The following ILDR2 variants were observed in gnomAD, a reference collection of about 807,000 sequenced individuals.
ILDR2 encodes the protein immunoglobulin like domain containing receptor 2.
ILDR2 carries 25 observed loss-of-function variants against 66.8 expected under a neutral mutation model. The ratio of observed to expected loss-of-function variants is 0.37; its 90% CI spans 0.27 to 0.52. ILDR2 has a LOEUF of 0.52. Among genes scored for constraint, ILDR2 ranks in the 20% least tolerant of loss-of-function variants. The pLI is 0.88. For missense variants in ILDR2, 827 were observed against 876.8 expected (o/e 0.94, Z 0.72); for synonymous variants, 367 against 357.2 (o/e 1.03, Z -0.31).
At chr1:166,902,182 C>CA (rs1400190276) in intron 2 of ILDR2, among the ~76,000 whole-genome samples, 1 of 152,230 alleles carries the variant, frequency 6.6e-6, no homozygotes, top group Non-Finnish European at 1.5e-5. Context: ...TTGACAGATG[C>CA]AAAAGTCTCT....
intron 1 of ILDR2, 111 bp from the exon 2 acceptor site, chr1:166,958,212 C>T (rs1262799794): frequency 1.2e-6 from 1 of 826,430 alleles, no homozygotes; most frequent in South Asian, 1.7e-5. Context: ...CCCTCAACCT[C>T]ATTTTCACAA....
intron 1 of ILDR2, among the ~76,000 whole-genome samples, chr1:166,969,247 T>A (rs1379184449): frequency 1.3e-5 from 2 of 152,150 alleles, no homozygotes; most frequent in Non-Finnish European, 2.9e-5. Context: ...ATACAGGGTC[T>A]CAGCTGAATG....
rs1659480340 is a variant in ILDR2, at chr1:166,911,797, T to C, written c.*7558A>G. On this transcript the variant is annotated 3_prime_UTR_variant, in exon 10 of 10. Coordinates refer to ENST00000271417, the MANE Select transcript of ILDR2 (RefSeq NM_199351.3). Reference sequence around the variant, plus strand: ...GATTAGAGCTAGCTGAAAAGAAAATTAGTGAGCTGGAAGATAAACCTGAAG... The same window carrying C: ...GATTAGAGCTAGCTGAAAAGAAAATCAGTGAGCTGGAAGATAAACCTGAAG... 1 of 151,810 alleles carries C rather than the reference T, an allele frequency of 6.6e-6. No individual in the cohort carries two copies. Among genetic ancestry groups the C allele is most frequent in the South Asian group, 2.1e-4 (1 of 4,820 alleles). 9.4% of individuals were successfully genotyped at this position (151,810 alleles called of 1,614,324 possible). A position where few individuals can be genotyped will look rare whatever the true frequency, so the allele number is the denominator to read the frequency against.
At chr1:166,970,865 T>C (rs1028097006) in intron 1 of ILDR2, among the ~76,000 whole-genome samples, 8 of 152,028 alleles carry the variant, frequency 5.3e-5, no homozygotes, top group African/African-American at 1.9e-4. Context: ...ATGGACGAGG[T>C]ACGTTCCACA....
intron 5 of ILDR2, 73 bp from the exon 6 acceptor site, chr1:166,935,550 G>C: frequency 2.2e-6 from 3 of 1,388,626 alleles, no homozygotes; most frequent in Non-Finnish European, 2.9e-6. Flanking sequence ...AAAAATCCCT[G>C]AGGATGCACT....
At chr1:166,928,082 C>T (rs1288032838) in intron 6 of ILDR2, among the ~76,000 whole-genome samples, 1 of 151,958 alleles carries the variant, frequency 6.6e-6, no homozygotes, top group Non-Finnish European at 1.5e-5. Flanking sequence ...GAGGAAAAAA[C>T]GAAAGAGAGA....
chr1:166,900,762 G>T (rs1041014379), intron 2 of ILDR2, among the ~76,000 whole-genome samples: 3 of 152,200 alleles, frequency 2.0e-5, no homozygotes, highest in Admixed American at 2.0e-4. Flanking sequence ...TTAATTACCT[G>T]CAGTTGATGA....
At chr1:166,956,501 T>C (rs939727289) in intron 3 of ILDR2, among the ~76,000 whole-genome samples, 2 of 149,868 alleles carry the variant, frequency 1.3e-5, no homozygotes, top group Non-Finnish European at 3.0e-5. Context: ...AGAAGAAATA[T>C]TCAGGACAAT....
At chr1:166,935,567 A>T in intron 5 of ILDR2, 90 bp from the exon 6 acceptor site, 2 of 1,222,748 alleles carry the variant, frequency 1.6e-6, no homozygotes, top group South Asian at 1.6e-5. Context: ...CACTTCAGGG[A>T]GCTCCTGGAT....
intron 3 of ILDR2, among the ~76,000 whole-genome samples, chr1:166,955,071 T>A (rs995606594): frequency 9.9e-5 from 15 of 152,224 alleles, no homozygotes; most frequent in African/African-American, 3.6e-4. Context: ...TAAGCAAAAA[T>A]GTGTCTTTTT....
intron 3 of ILDR2, among the ~76,000 whole-genome samples, chr1:166,954,173 C>T (rs187698056): frequency 8.3e-4 from 127 of 152,266 alleles, no homozygotes; most frequent in Non-Finnish European, 1.2e-3. Context: ...TTATAATTAG[C>T]AAACTGTGGG....
intron 1 of ILDR2, among the ~76,000 whole-genome samples, chr1:166,967,903 G>A (rs779871526): frequency 6.6e-6 from 1 of 152,178 alleles, no homozygotes; most frequent in Non-Finnish European, 1.5e-5. Flanking sequence ...AGTCCTATGT[G>A]CTCCACCTCT....
chr1:166,925,643 A>T (rs1660233215), intron 7 of ILDR2, among the ~76,000 whole-genome samples: 1 of 152,184 alleles, frequency 6.6e-6, no homozygotes, highest in Non-Finnish European at 1.5e-5. Context: ...GAAGAGCTGG[A>T]ATCTGGTCCT....
Position 166,919,498 on chromosome 1 carries a change from C to T in ILDR2, c.1885-108G>A, listed in dbSNP as rs1659773849. 5.2e-6 allele frequency: 5 copies of T among 959,718 alleles called. 1 individual carries two copies. In the East Asian group the frequency reaches 7.8e-5, roughly 15 times the overall value. 59.5% of individuals were successfully genotyped at this position (959,718 alleles called of 1,614,324 possible). ...AGTCCACAACCCGTTCAGTGCCAGG[C>T]ACCCCTGATTCTCAGAACCTTTCAT... On this transcript the variant is annotated intron_variant, in intron 9 of 9. Coordinates refer to ENST00000271417, the MANE Select transcript of ILDR2 (RefSeq NM_199351.3).
At chr1:166,897,780 G>A (rs1463644914) in intron 2 of ILDR2, among the ~76,000 whole-genome samples, 1 of 152,218 alleles carries the variant, frequency 6.6e-6, no homozygotes, top group East Asian at 1.9e-4. Flanking sequence ...TTTGTTCTAT[G>A]CATCTTTCTT....
intron 8 of ILDR2, among the ~76,000 whole-genome samples, chr1:166,922,050 GC>G (rs1659980432): frequency 6.6e-6 from 1 of 152,146 alleles, no homozygotes. Context: ...AATAGTAGCT[GC>G]CCTTTAGAGT....
At chr1:166,955,062 A>G (rs1342523039) in intron 3 of ILDR2, among the ~76,000 whole-genome samples, 5 of 152,228 alleles carry the variant, frequency 3.3e-5, no homozygotes, top group Admixed American at 2.6e-4. Context: ...GGTTGTGATT[A>G]AGCAAAAATG....
rs377239117 is a variant in ILDR2 at position 166,975,315 on chromosome 1, T to A, written c.-47A>T. 12 of 1,579,140 alleles carry A rather than the reference T, an allele frequency of 7.6e-6. No homozygotes were observed. In the East Asian group the frequency reaches 2.7e-4, roughly 36 times the overall value. ...ATTACGGAGTGAGGAAAGTGGGAAA[T>A]GGCTGGAACAGAAGGATCGCTGTCA... is the stretch of plus-strand genomic sequence containing the variant. On this transcript the variant is annotated 5_prime_UTR_variant, in exon 1 of 10. Transcript: ENST00000271417.
At chr1:166,922,480 C>CT in intron 8 of ILDR2, 113 bp downstream of exon 8, 1 of 784,628 alleles carries the variant, frequency 1.3e-6, no homozygotes, top group Non-Finnish European at 2.2e-6. Flanking sequence ...TCAGGATAAC[C>CT]TGGAATGGGA....
Sources: allele counts gnomAD v4.1 joint callset (sites outside exome capture counted in the v4.1 genomes callset), GRCh38; gene constraint gnomAD v4.1.1; transcripts MANE v1.5; gene names NCBI Gene and HGNC (gene_info 2026-07-23, HGNC 2026-07-21).